GCFC2: variants seen among roughly 807,000 people sequenced by gnomAD.
GCFC2 encodes the protein intron Large complex component GCFC2.
Under a neutral mutation model 99.4 loss-of-function variants are expected in GCFC2, and 102 were observed. That is an observed-to-expected ratio of 1.03 (90% CI 0.87 to 1.21). The LOEUF is 1.21. GCFC2 is among the 50% of genes most tolerant of loss of function. The pLI, the probability that GCFC2 is intolerant of heterozygous loss-of-function variation, is 0.00. For synonymous variants in GCFC2, 338 were observed against 316.8 expected (o/e 1.07, Z -0.71); for missense variants, 973 against 920.9 (o/e 1.06, Z -0.73).
At chr2:75,668,654 C>T (rs943261014) in intron 15 of GCFC2, among the ~76,000 whole-genome samples, 2 of 152,160 alleles carry the variant, frequency 1.3e-5, no homozygotes, top group African/African-American at 4.8e-5. Context: ...TTTCCTTTCA[C>T]ATTTTTATCT....
At chr2:75,679,824 A>G in intron 12 of GCFC2, 2 of 403,234 alleles carry the variant, frequency 5.0e-6, no homozygotes, top group Non-Finnish European at 8.7e-6. Context: ...GGCCATGAGA[A>G]CACAAATCAG....
chr2:75,696,553 G>T (rs926920724), intron 4 of GCFC2, among the ~76,000 whole-genome samples: 2 of 152,078 alleles, frequency 1.3e-5, no homozygotes, highest in African/African-American at 4.8e-5. Context: ...GTTTAGTTTT[G>T]AAGCTAATTT....
chr2:75,690,162 C>G, intron 8 of GCFC2, 81 bp from the exon 9 acceptor site: 1 of 749,232 alleles, frequency 1.3e-6, no homozygotes, highest in Non-Finnish European at 2.3e-6. Context: ...TTTTTAACCT[C>G]TTGCTGAAAA....
chr2:75,683,706 T>G (rs1262281587), intron 11 of GCFC2, among the ~76,000 whole-genome samples: 1 of 139,166 alleles, frequency 7.2e-6, no homozygotes. Context: ...ACCCATCTCA[T>G]GTAAAGAGAC....
At chr2:75,691,844 T>G (rs1470497599) in intron 7 of GCFC2, 133 bp downstream of exon 7, 1 of 373,272 alleles carries the variant, frequency 2.7e-6, no homozygotes, top group Non-Finnish European at 4.6e-6. Context: ...GTTTTGAGTT[T>G]TTGGAAGTTG....
rs985253714 is a variant in GCFC2, at chr2:75,686,558, A to G, written c.1690+1269T>C. On this transcript the variant is annotated intron_variant, in intron 11 of 16. Transcript: ENST00000321027. ...GGAGTTTGAGACTAGCCTGGGCAAC[A>G]GAGCAAGACCCTGTCTCTAAAAAAA... Among the ~76,000 whole-genome samples the G allele has an allele frequency of 5.9e-5, 9 of 152,336 alleles. No individual in the cohort carries two copies. In the East Asian group the frequency reaches 1.5e-3, roughly 26 times the overall value.
chr2:75,692,939 C>T (rs906275291), intron 6 of GCFC2, among the ~76,000 whole-genome samples: 1 of 152,160 alleles, frequency 6.6e-6, no homozygotes, highest in African/African-American at 2.4e-5. Flanking sequence ...ATTCCTCCTA[C>T]TCCATTGATA....
chr2:75,673,828 T>C (rs1326900495), intron 12 of GCFC2, among the ~76,000 whole-genome samples: 1 of 152,220 alleles, frequency 6.6e-6, no homozygotes, highest in African/African-American at 2.4e-5. Context: ...TCATTTAGTA[T>C]GCATGGTCAT....
At position 75,702,320 on chromosome 2, in the gene GCFC2, G is replaced by A; in HGVS notation, c.498C>T (p.Ser166=). The change falls in exon 3 of 17, where the codon TCC becomes TCT. Residue 166 remains serine, a synonymous_variant. Transcript: ENST00000321027. ...CGCTCTCTCTCTTCATACCAGAGATGGAGGAGGTATGTTGTACATCCAAAG... is the reference window on the plus strand; with the variant it reads ...CGCTCTCTCTCTTCATACCAGAGATAGAGGAGGTATGTTGTACATCCAAAG... ...YISLDVQHTS[S]ISGMKRESED... 1.2e-6 allele frequency: 2 copies of A among 1,612,596 alleles called. No homozygotes were observed. The highest frequency in any genetic ancestry group is 1.3e-5 in the African/African-American group (1 of 75,012).
Position 75,710,545 on chromosome 2 carries a change from C to T in GCFC2, c.265+46G>A, listed in dbSNP as rs1015768966. ...ATCCAGAGACCCCGCGGCCCCTTCC[C>T]GCCCTGTGCCGTCACCTCCCCGCTT... is the stretch of plus-strand genomic sequence containing the variant. On this transcript the variant is annotated intron_variant, in intron 1 of 16. Transcript: ENST00000321027. 5.5e-6 allele frequency: 8 copies of T among 1,455,354 alleles called. No individual in the cohort carries two copies. The African/African-American group carries it at 1.0e-4, about 19-fold the overall frequency. The allele number at this position is 1,455,354 out of a possible 1,614,324, so 90.2% of individuals were successfully genotyped here. A position where few individuals can be genotyped will look rare whatever the true frequency, so the allele number is the denominator to read the frequency against.
rs1054099949 is a variant in GCFC2 at position 75,704,389 on chromosome 2, G to C, written c.395-1966C>G. Among the ~76,000 whole-genome samples, 6 of 152,182 alleles carry C rather than the reference G, an allele frequency of 3.9e-5. No individual in the cohort carries two copies. The South Asian group carries it at 1.2e-3, about 31-fold the overall frequency. ...ACATTCCTCCATCTTTTCTTCGCCA[G>C]CCAATAAGTCCTTCGAACTTTCAGG... On this transcript the variant is annotated intron_variant, in intron 2 of 16. Transcript: ENST00000321027.
In GCFC2 at chr2:75,680,079, C is replaced by T. The variant is rs191907287; in HGVS notation, c.1812+114G>A. 2,148 of 696,462 alleles carry T rather than the reference C, an allele frequency of 3.1e-3. 75 individuals carry two copies. In the Admixed American group the frequency reaches 0.057, roughly 19 times the overall value. The allele number at this position is 696,462 out of a possible 1,614,324, so 43.1% of individuals were successfully genotyped here. A position where few individuals can be genotyped will look rare whatever the true frequency, so the allele number is the denominator to read the frequency against. On this transcript the variant is annotated intron_variant, in intron 12 of 16. Coordinates refer to ENST00000321027, the MANE Select transcript of GCFC2 (RefSeq NM_003203.5). ...TATAAATCAAAAGTAAATATGTTTTCCCCCAAACAGTTTTCTGATAATCAC... is the reference window on the plus strand; with the variant it reads ...TATAAATCAAAAGTAAATATGTTTTTCCCCAAACAGTTTTCTGATAATCAC...
At chr2:75,665,740 A>T (rs1265960332) in intron 16 of GCFC2, among the ~76,000 whole-genome samples, 189 bp downstream of exon 16, 2 of 152,048 alleles carry the variant, frequency 1.3e-5, no homozygotes, top group African/African-American at 4.8e-5. Flanking sequence ...AATTTGGGGG[A>T]GATTTACATT....
At position 75,708,156 on chromosome 2, in the gene GCFC2, A is replaced by G. The variant is rs577547076; in HGVS notation, c.266-1505T>C. ...GATTATTCAGACATGGCTATCTGAC[A>G]AACATTTTCTCAAAACATGAGCCCG... is the stretch of plus-strand genomic sequence containing the variant. On this transcript the variant is annotated intron_variant, in intron 1 of 16. Coordinates refer to ENST00000321027, the MANE Select transcript of GCFC2 (RefSeq NM_003203.5). Among the ~76,000 whole-genome samples, 12 of 152,318 alleles carry G rather than the reference A, an allele frequency of 7.9e-5. No individual in the cohort carries two copies. The South Asian group carries it at 2.3e-3, about 29-fold the overall frequency.
intron 11 of GCFC2, among the ~76,000 whole-genome samples, chr2:75,682,905 A>G (rs1234820887): frequency 6.6e-6 from 1 of 151,910 alleles, no homozygotes; most frequent in East Asian, 1.9e-4. Context: ...AAAAAAGTGA[A>G]AAGAAACAAA....
At chr2:75,675,150 C>T (rs1679278699) in intron 12 of GCFC2, among the ~76,000 whole-genome samples, 1 of 152,074 alleles carries the variant, frequency 6.6e-6, no homozygotes, top group Non-Finnish European at 1.5e-5. Flanking sequence ...ATTGAATCAA[C>T]TGGCAAAAGT....
Position 75,673,655 on chromosome 2 carries a change from C to T in GCFC2, c.1813-135G>A, listed in dbSNP as rs372090579. ...TGTTAAAATAACTATCAATTGGGTA[C>T]AAAAAAAACCTTATTTATCCATGTT... On this transcript the variant is annotated intron_variant, in intron 12 of 16. Transcript: ENST00000321027. 230 of 603,174 alleles carry T rather than the reference C, an allele frequency of 3.8e-4. 1 individual carries two copies. Among genetic ancestry groups the T allele is most frequent in the East Asian group, 2.3e-4 (8 of 35,214 alleles). 37.4% of individuals were successfully genotyped at this position (603,174 alleles called of 1,614,324 possible).
intron 10 of GCFC2, 97 bp downstream of exon 10, chr2:75,688,929 A>C: frequency 1.5e-6 from 1 of 681,672 alleles, no homozygotes; most frequent in Non-Finnish European, 2.6e-6. Context: ...TTCAGCTCCG[A>C]CTCTAAGGGT....
At chr2:75,712,470 G>C (rs548075282), upstream of GCFC2, among the ~76,000 whole-genome samples, 12 of 152,222 alleles carry the variant, frequency 7.9e-5, no homozygotes, top group East Asian at 2.3e-3. Context: ...CACCAATCAC[G>C]GCCCTGTCAA....
Sources: gnomAD v4.1 joint callset for allele counts (sites outside exome capture counted in the v4.1 genomes callset) on GRCh38, gnomAD v4.1.1 for gene constraint, MANE v1.5 for transcripts, NCBI Gene and HGNC (gene_info 2026-07-23, HGNC 2026-07-21) for gene names.